Variants in VAV3 observed in about 807,000 individuals in gnomAD.
VAV3 encodes vav guanine nucleotide exchange factor 3.
In VAV3, 94 loss-of-function variants were observed where a neutral mutation model predicts 131.2. The ratio of observed to expected loss-of-function variants is 0.72; its 90% CI spans 0.61 to 0.85. The LOEUF is 0.85. Ranked by LOEUF, VAV3 falls within the 40% of genes least tolerant of loss-of-function variation. The probability of loss-of-function intolerance (pLI) is 0.00; values close to 1 mark genes in which losing one functional copy is unlikely to be tolerated. For missense variants in VAV3, 939 were observed against 1,002.7 expected, an observed-to-expected ratio of 0.94 and a Z score of 0.86; for synonymous variants, 349 against 342.0, an observed-to-expected ratio of 1.02 and a Z score of -0.22.
intron 15 of VAV3, among the ~76,000 whole-genome samples, chr1:107,726,325 C>A (rs1208537723): frequency 1.3e-5 from 2 of 152,166 alleles, no homozygotes; most frequent in African/African-American, 4.8e-5. Context: ...TAGGTTTGAT[C>A]CTCACACAAG....
intron 20 of VAV3, among the ~76,000 whole-genome samples, chr1:107,623,727 C>A (rs1259835815): frequency 6.6e-6 from 1 of 152,166 alleles, no homozygotes; most frequent in African/African-American, 2.4e-5. Flanking sequence ...TACTCATGCA[C>A]ACATACAAAA....
chr1:107,856,214 G>A (rs1156500670), intron 2 of VAV3, among the ~76,000 whole-genome samples: 2 of 152,206 alleles, frequency 1.3e-5, no homozygotes, highest in African/African-American at 4.8e-5. Flanking sequence ...GACACTGAAG[G>A]AAGGTGATGG....
chr1:107,823,728 A>G (rs1366865587), intron 2 of VAV3, among the ~76,000 whole-genome samples: 2 of 152,202 alleles, frequency 1.3e-5, no homozygotes, highest in Non-Finnish European at 2.9e-5. Context: ...CTAAGAAAGT[A>G]ATGAAGGTTA....
intron 19 of VAV3, among the ~76,000 whole-genome samples, chr1:107,652,171 C>T (rs1013071220): frequency 7.9e-5 from 12 of 152,064 alleles, no homozygotes; most frequent in Admixed American, 2.0e-4. Context: ...GTAAAGAAGC[C>T]GGCTAAATCT....
Position 107,772,817 on chromosome 1 carries a change from T to C in VAV3, c.473A>G (p.Asp158Gly), listed in dbSNP as rs1284488001. 2 of 1,613,524 alleles carry C rather than the reference T, an allele frequency of 1.2e-6. No individual in the cohort carries two copies. The highest frequency in any genetic ancestry group is 2.7e-5 in the African/African-American group (2 of 74,912). ...TTCCCCATAAACACAGTCATAGAGA[T>C]CTTCTTCATCTTCCACAAGGGTTTC... ...IDETLVEDEE[D>G]LYDCVYGEDE... The change falls in exon 5 of 27, where the codon GAT becomes GGT. Residue 158 changes from aspartate to glycine, a missense_variant. Physicochemically the swap from Asp to Gly is moderately conservative, Grantham distance 94. Coordinates refer to ENST00000370056, the MANE Select transcript of VAV3 (RefSeq NM_006113.5).
At chr1:107,653,236 A>G (rs577547569) in intron 19 of VAV3, among the ~76,000 whole-genome samples, 66 of 148,140 alleles carry the variant, frequency 4.5e-4, no homozygotes, top group African/African-American at 1.6e-3. Flanking sequence ...CGATGTGCTG[A>G]TTTTTTTTTT....
intron 10 of VAV3, among the ~76,000 whole-genome samples, chr1:107,760,095 C>A (rs1433761491): frequency 6.6e-6 from 1 of 152,256 alleles, no homozygotes; most frequent in East Asian, 1.9e-4. Context: ...ATACAAAGCA[C>A]AGCCGACGCA....
intron 9 of VAV3, among the ~76,000 whole-genome samples, chr1:107,762,561 AG>A (rs1664502788): frequency 6.6e-6 from 1 of 152,228 alleles, no homozygotes; most frequent in South Asian, 2.1e-4. Context: ...TACTATAATT[AG>A]TAGGTCTTAT....
chr1:107,915,518 T>C (rs1386239964), intron 1 of VAV3, among the ~76,000 whole-genome samples: 1 of 152,170 alleles, frequency 6.6e-6, no homozygotes, highest in Non-Finnish European at 1.5e-5. Context: ...GTAAGTTACT[T>C]GATCTGTTCC....
chr1:107,732,798 A>G (rs574526973), intron 15 of VAV3, among the ~76,000 whole-genome samples: 1 of 152,308 alleles, frequency 6.6e-6, no homozygotes, highest in African/African-American at 2.4e-5. Context: ...TAGCTGAATA[A>G]AAGGCAGCAG....
intron 2 of VAV3, among the ~76,000 whole-genome samples, chr1:107,863,753 A>T (rs917364247): frequency 4.6e-5 from 7 of 152,164 alleles, no homozygotes; most frequent in African/African-American, 7.2e-5. Flanking sequence ...GAGTTTTTTT[A>T]AAAAACTACC....
At chr1:107,697,278 T>C (rs766974384) in intron 17 of VAV3, among the ~76,000 whole-genome samples, 38 of 152,300 alleles carry the variant, frequency 2.5e-4, no homozygotes, top group Non-Finnish European at 4.1e-4. Context: ...AAAGGAAGCC[T>C]CCTAGGCAGG....
intron 19 of VAV3, among the ~76,000 whole-genome samples, chr1:107,676,670 T>C (rs766872316): frequency 3.6e-4 from 55 of 152,184 alleles, no homozygotes; most frequent in Non-Finnish European, 7.2e-4. Context: ...TATTGGTTGG[T>C]ATATAATTGA....
At chr1:107,769,367 CACAAAACTCAACTGGGCCTGTA>C (rs1397916476) in intron 6 of VAV3, among the ~76,000 whole-genome samples, 2 of 152,146 alleles carry the variant, frequency 1.3e-5, no homozygotes, top group Non-Finnish European at 2.9e-5. Flanking sequence ...TCAATATGAC[CACAAAACTCAACTGGGCCTGTA>C]ACGCTACATA....
chr1:107,894,131 T>C (rs970612760), intron 1 of VAV3, among the ~76,000 whole-genome samples: 1 of 152,252 alleles, frequency 6.6e-6, no homozygotes, highest in African/African-American at 2.4e-5. Context: ...TTATTTCCTA[T>C]AGTTGACTGT....
intron 2 of VAV3, among the ~76,000 whole-genome samples, chr1:107,802,699 T>C (rs943518798): frequency 2.0e-5 from 3 of 152,162 alleles, no homozygotes; most frequent in Admixed American, 2.0e-4. Context: ...CACTTGATCA[T>C]AGTGAATGGT....
At chr1:107,663,389 T>C (rs1178842176) in intron 19 of VAV3, among the ~76,000 whole-genome samples, 2 of 152,150 alleles carry the variant, frequency 1.3e-5, no homozygotes, top group Non-Finnish European at 2.9e-5. Context: ...TAAATATGCA[T>C]AGTATTCTAT....
At chr1:107,716,864 G>T (rs1006701644) in intron 15 of VAV3, among the ~76,000 whole-genome samples, 7 of 152,094 alleles carry the variant, frequency 4.6e-5, no homozygotes, top group Non-Finnish European at 8.8e-5. Context: ...AATCCGTCTG[G>T]TCCTGGACTC....
intron 19 of VAV3, among the ~76,000 whole-genome samples, chr1:107,644,315 T>C (rs1221133128): frequency 6.6e-6 from 1 of 152,096 alleles, no homozygotes; most frequent in African/African-American, 2.4e-5. Context: ...GTGGAATAAT[T>C]TTTTAAATGG....
Sources: gnomAD v4.1 joint callset for allele counts (sites outside exome capture counted in the v4.1 genomes callset) on GRCh38, gnomAD v4.1.1 for gene constraint, MANE v1.5 for transcripts, NCBI Gene and HGNC (gene_info 2026-07-23, HGNC 2026-07-21) for gene names.